USP39: variants seen among roughly 807,000 people sequenced by gnomAD.
The protein encoded by USP39 is ubiquitin carboxyl-terminal hydrolase 39.
A neutral mutation model predicts 66.4 loss-of-function variants in USP39; 38 were observed. The ratio of observed to expected loss-of-function variants is 0.57; its 90% confidence interval spans 0.44 to 0.75. The LOEUF (loss-of-function observed/expected upper bound fraction) is 0.75, where lower values mean the gene tolerates loss of function less well. Ranked by LOEUF, USP39 falls within the 30% of genes least tolerant of loss-of-function variation. The probability of loss-of-function intolerance (pLI) is 0.00; values close to 1 mark genes in which losing one functional copy is unlikely to be tolerated. For missense variants in USP39, 608 were observed against 714.4 expected, an observed-to-expected ratio of 0.85 and a Z score of 1.70; for synonymous variants, 303 against 274.6, an observed-to-expected ratio of 1.10 and a Z score of -1.02.
At chr2:85,615,400 A>C (rs1211007101), upstream of USP39, among the ~76,000 whole-genome samples, 1 of 152,206 alleles carries the variant, frequency 6.6e-6, no homozygotes, top group African/African-American at 2.4e-5. Flanking sequence ...AAACAAGTTC[A>C]AGGCAGGTCC....
chr2:85,645,252 C>T (rs1676552432), intron 11 of USP39, 169 bp downstream of exon 11: 1 of 858,664 alleles, frequency 1.2e-6, no homozygotes, highest in Non-Finnish European at 1.7e-6. Flanking sequence ...TCAATTTTGG[C>T]TACACATTGG....
chr2:85,646,497 CAGT>C (rs1573454664), intron 11 of USP39, among the ~76,000 whole-genome samples: 1 of 152,220 alleles, frequency 6.6e-6, no homozygotes, highest in African/African-American at 2.4e-5. Context: ...GACCTCAAGT[CAGT>C]AGAATTAGGA....
rs866105882 is a variant in USP39, at chr2:85,640,917, C to T, written c.1285-59C>T. On this transcript the variant is annotated intron_variant, in intron 9 of 12. Coordinates refer to ENST00000323701, the MANE Select transcript of USP39 (RefSeq NM_006590.4). ...AAAATCGAAATGAAAAACTCATGCCCCTGCTCTAATACTACTGAACTTCAG... is the reference window on the plus strand; with the variant it reads ...AAAATCGAAATGAAAAACTCATGCCTCTGCTCTAATACTACTGAACTTCAG... 20 of 1,498,408 alleles carry T rather than the reference C, an allele frequency of 1.3e-5. No homozygotes were observed. The South Asian group carries it at 2.1e-4, about 16-fold the overall frequency. The allele number at this position is 1,498,408 out of a possible 1,614,324, so 92.8% of individuals were successfully genotyped here. A position where few individuals can be genotyped will look rare whatever the true frequency, so the allele number is the denominator to read the frequency against.
intron 5 of USP39, among the ~76,000 whole-genome samples, chr2:85,628,810 T>G (rs949911432): frequency 6.6e-6 from 1 of 152,178 alleles, no homozygotes; most frequent in African/African-American, 2.4e-5. Context: ...CCTTGTTTCT[T>G]TAGCTGAGCT....
intron 1 of USP39, among the ~76,000 whole-genome samples, chr2:85,605,353 C>T (rs1204729170): frequency 6.6e-6 from 1 of 151,868 alleles, no homozygotes; most frequent in Admixed American, 6.6e-5. Flanking sequence ...ACATTTTATT[C>T]ATCTACACAT....
intron 1 of USP39, among the ~76,000 whole-genome samples, chr2:85,618,600 A>G (rs572203815): frequency 9.2e-5 from 14 of 151,526 alleles, no homozygotes; most frequent in Admixed American, 1.3e-4. Flanking sequence ...ACACACAACT[A>G]TATGGTACAT....
rs750660001 is a variant in USP39, at chr2:85,639,357, A to G, written c.1250A>G (p.Asn417Ser). The G allele has an allele frequency of 2.5e-6, 4 of 1,614,058 alleles. No individual in the cohort carries two copies. The highest frequency in any genetic ancestry group is 3.4e-6 in the Non-Finnish European group (4 of 1,180,020). The change falls in exon 9 of 13, where the codon AAC becomes AGC. Residue 417 changes from asparagine (N) to serine (S), a missense_variant. This residue lies in a region of USP39 where 164 missense variants were observed against 250.3 expected (regional missense o/e 0.66). Coordinates refer to ENST00000323701, the MANE Select transcript of USP39 (RefSeq NM_006590.4). ...QLIIPQVPLF[N>S]ILAKFNGITE... Reference sequence around the variant, plus strand: ...ATCATTCCCCAAGTGCCACTCTTCAACATCCTGGCTAAGTTCAATGGCATC... The same window carrying G: ...ATCATTCCCCAAGTGCCACTCTTCAGCATCCTGGCTAAGTTCAATGGCATC...
At chr2:85,645,268 C>T (rs1258398535) in intron 11 of USP39, 185 bp downstream of exon 11, 5 of 650,396 alleles carry the variant, frequency 7.7e-6, no homozygotes, top group African/African-American at 7.6e-5. Context: ...ATTGGACTCA[C>T]CTTGGGAGCT....
intron 5 of USP39, among the ~76,000 whole-genome samples, chr2:85,626,653 C>G (rs1674887747): frequency 6.6e-6 from 1 of 150,712 alleles, no homozygotes; most frequent in Non-Finnish European, 1.5e-5. Context: ...TGATCAATGA[C>G]TTTTTCCTGC....
chr2:85,606,264 GCTGTTGCCA>G (rs1162711097), intron 1 of USP39, among the ~76,000 whole-genome samples: 2 of 152,214 alleles, frequency 1.3e-5, no homozygotes, highest in African/African-American at 4.8e-5. Context: ...TTAGTCTAAT[GCTGTTGCCA>G]CTGTACGCCA....
chr2:85,609,461 C>G (rs1673361734), upstream of USP39: 1 of 1,614,132 alleles, frequency 6.2e-7, no homozygotes, highest in Non-Finnish European at 8.5e-7. Flanking sequence ...GATGTGACCT[C>G]TCCACTGTCT....
chr2:85,609,741 G>A (rs1673385052), upstream of USP39, among the ~76,000 whole-genome samples: 1 of 152,084 alleles, frequency 6.6e-6, no homozygotes, highest in Non-Finnish European at 1.5e-5. Context: ...GAGTGCAGTG[G>A]TGCAATCTCG....
intron 6 of USP39, among the ~76,000 whole-genome samples, chr2:85,635,764 T>C (rs1354674862): frequency 6.6e-6 from 1 of 152,110 alleles, no homozygotes; most frequent in African/African-American, 2.4e-5. Context: ...TGGAGAAAAG[T>C]GGATGTTAAA....
At chr2:85,611,468 C>A (rs755311181), upstream of USP39, 4 of 1,547,186 alleles carry the variant, frequency 2.6e-6, no homozygotes, top group African/African-American at 4.1e-5. Flanking sequence ...GACAGCGATG[C>A]TTAACTGGGG....
In USP39 at chr2:85,647,977, C is replaced by A; in HGVS notation, c.1611C>A (p.Ile537=). The A allele has an allele frequency of 6.2e-7, 1 of 1,614,156 alleles. No homozygotes were observed. Among genetic ancestry groups the A allele is most frequent in the Non-Finnish European group, 8.5e-7 (1 of 1,180,028 alleles). The change falls in exon 12 of 13, where the codon ATC becomes ATA. Residue 537 remains isoleucine (I), a synonymous_variant. Transcript: ENST00000323701. ...YELQDLQVTD[I]LPQMITLSEA... ...TACAAGACCTCCAGGTGACTGACAT[C>A]CTTCCCCAGATGATCACACTGTCAG... is the stretch of plus-strand genomic sequence containing the variant.
Position 85,639,296 on chromosome 2 carries a change from A to T in USP39, c.1189A>T (p.Thr397Ser), listed in dbSNP as rs892119074. ...TATGTACCTGACGCTGGACCTTCCT[A>T]CTGCCCCCCTCTACAAGGACGAGAA... is the stretch of plus-strand genomic sequence containing the variant. The part of the protein sequence containing the change: ...TFMYLTLDLP[T>S]APLYKDEKEQ... Residue 397 changes from threonine to serine, a missense_variant, in exon 9 of 13, where the codon ACT becomes TCT. By Grantham distance (58) the Thr-to-Ser change is moderately conservative. Around this residue, in one of 6 missense-constraint regions of USP39, gnomAD observed 164 missense variants for 250.3 expected, o/e 0.66. Coordinates refer to ENST00000323701, the MANE Select transcript of USP39 (RefSeq NM_006590.4). The T allele has an allele frequency of 2.5e-6, 4 of 1,613,718 alleles. No homozygotes were observed. In the African/African-American group the frequency reaches 5.3e-5, roughly 22 times the overall value.
At chr2:85,613,595 A>G (rs940018491), upstream of USP39, among the ~76,000 whole-genome samples, 1 of 152,186 alleles carries the variant, frequency 6.6e-6, no homozygotes, top group Non-Finnish European at 1.5e-5. Context: ...GCTCAACAAC[A>G]TGGATGGATC....
chr2:85,649,075 C>T lies in USP39; in HGVS notation c.*267C>T. 1 of 467,058 alleles carries T rather than the reference C, an allele frequency of 2.1e-6. No homozygotes were observed. Among genetic ancestry groups the T allele is most frequent in the Non-Finnish European group, 3.8e-6 (1 of 262,924 alleles). 28.9% of individuals were successfully genotyped at this position (467,058 alleles called of 1,614,324 possible). ...CATCTAGCTTCAGCAGGGCAGAACC[C>T]TTCTCCAGATGTGTGTAACTTATGT... is the stretch of plus-strand genomic sequence containing the variant. On this transcript the variant is annotated 3_prime_UTR_variant, in exon 13 of 13. Coordinates refer to ENST00000323701, the MANE Select transcript of USP39 (RefSeq NM_006590.4).
intron 10 of USP39, among the ~76,000 whole-genome samples, chr2:85,642,869 G>T (rs988512748): frequency 2.5e-4 from 38 of 152,102 alleles, no homozygotes; most frequent in African/African-American, 9.2e-4. Flanking sequence ...TTGAGGGCAG[G>T]TTTAAAGTTT....
Sources: gnomAD v4.1 joint callset for allele counts (sites outside exome capture counted in the v4.1 genomes callset) on GRCh38, gnomAD v4.1.1 for gene constraint, gnomAD v4.1.1 regional missense constraint, MANE v1.5 for transcripts, NCBI Gene and HGNC (gene_info 2026-07-23, HGNC 2026-07-21) for gene names.